Variants in RASSF8 observed in about 807,000 individuals in gnomAD.
RASSF8 encodes ras association domain-containing protein 8.
Under a neutral mutation model 48.5 loss-of-function variants are expected in RASSF8, and 22 were observed. The ratio of observed to expected loss-of-function variants is 0.45; its 90% confidence interval spans 0.32 to 0.65. The LOEUF (loss-of-function observed/expected upper bound fraction) is 0.65, where lower values mean the gene tolerates loss of function less well. RASSF8 is among the 30% of genes least tolerant of loss of function. The probability of loss-of-function intolerance (pLI) is 0.03; values close to 1 mark genes in which losing one functional copy is unlikely to be tolerated. For missense variants in RASSF8, 418 were observed against 489.2 expected, an observed-to-expected ratio of 0.85 and a Z score of 1.37; for synonymous variants, 127 against 171.5, an observed-to-expected ratio of 0.74 and a Z score of 2.03.
Position 26,064,271 on chromosome 12 carries a change from A to G in RASSF8, c.104-227A>G, listed in dbSNP as rs914444441. Among the ~76,000 whole-genome samples the G allele has an allele frequency of 3.9e-5, 6 of 152,228 alleles. No individual in the cohort carries two copies. The East Asian group carries it at 7.7e-4, about 20-fold the overall frequency. On this transcript the variant is annotated intron_variant, in intron 3 of 5. Transcript: ENST00000689635. ...TTTAAAGTATAAAGTTGAATTTCTA[A>G]GCAAGCCTAAAGAGTATGTGCAATA...
chr12:25,971,484 ATC>A (rs1038422131), intron 1 of RASSF8, among the ~76,000 whole-genome samples: 3 of 151,998 alleles, frequency 2.0e-5, no homozygotes, highest in Admixed American at 1.3e-4. Flanking sequence ...ACTTCTGATG[ATC>A]TCTCTTCTGT....
intron 1 of RASSF8, among the ~76,000 whole-genome samples, chr12:25,987,469 A>G (rs752392144): frequency 6.6e-6 from 1 of 152,202 alleles, no homozygotes; most frequent in Non-Finnish European, 1.5e-5. Flanking sequence ...TTCCATACTA[A>G]GGCAGGAAAT....
chr12:25,982,882 G>A (rs1941777125), intron 1 of RASSF8, among the ~76,000 whole-genome samples: 1 of 152,186 alleles, frequency 6.6e-6, no homozygotes, highest in Non-Finnish European at 1.5e-5. Flanking sequence ...AGCATTCATG[G>A]AGGTTTTCAG....
chr12:25,994,868 A>G (rs538219299), intron 1 of RASSF8, 169 bp from the exon 2 acceptor site: 4 of 152,352 alleles, frequency 2.6e-5, no homozygotes, highest in Admixed American at 6.5e-5. Flanking sequence ...CTGCAATTCA[A>G]ATGGCTAAGG....
chr12:26,055,008 G>C (rs1367625099), intron 2 of RASSF8, among the ~76,000 whole-genome samples: 1 of 152,114 alleles, frequency 6.6e-6, no homozygotes, highest in East Asian at 1.9e-4. Flanking sequence ...TAATGTAATG[G>C]AGCATGAGTT....
At chr12:25,986,758 T>C (rs567275007) in intron 1 of RASSF8, among the ~76,000 whole-genome samples, 1 of 152,282 alleles carries the variant, frequency 6.6e-6, no homozygotes, top group South Asian at 2.1e-4. Flanking sequence ...CTGACAAGGC[T>C]CCTAGTTACT....
At position 25,993,609 on chromosome 12, in the gene RASSF8, G is replaced by A. The variant is rs532837320; in HGVS notation, c.-202-1428G>A. Reference sequence around the variant, plus strand: ...TTGGTTTTCAATTTGCTATCCAGTCGTCTTTCGCAGCAGGGTTGACCCTTC... The same window carrying A: ...TTGGTTTTCAATTTGCTATCCAGTCATCTTTCGCAGCAGGGTTGACCCTTC... On this transcript the variant is annotated intron_variant, in intron 1 of 5. Transcript: ENST00000689635. Among the ~76,000 whole-genome samples, 199 of 152,246 alleles carry A rather than the reference G, an allele frequency of 1.3e-3. 1 individual carries two copies. Among genetic ancestry groups the A allele is most frequent in the African/African-American group, 4.4e-3 (184 of 41,546 alleles).
At chr12:26,044,331 A>T (rs1943327904) in intron 2 of RASSF8, among the ~76,000 whole-genome samples, 1 of 152,200 alleles carries the variant, frequency 6.6e-6, no homozygotes, top group Non-Finnish European at 1.5e-5. Flanking sequence ...AAATTGTAGG[A>T]CTTAAATATA....
rs141731647 is a variant in RASSF8, at chr12:26,059,296, C to T, written c.103+3850C>T. Among the ~76,000 whole-genome samples the T allele has an allele frequency of 8.8e-3, 1,342 of 152,192 alleles. 13 individuals are homozygous for T. Among genetic ancestry groups the T allele is most frequent in the African/African-American group, 0.031 (1,271 of 41,532 alleles). Reference sequence around the variant, plus strand: ...ATTGAGGAAAAGGATTTCTGATCCACGGTACTTTGATACTTGGTGTCATTG... The same window carrying T: ...ATTGAGGAAAAGGATTTCTGATCCATGGTACTTTGATACTTGGTGTCATTG... On this transcript the variant is annotated intron_variant, in intron 3 of 5. Coordinates refer to ENST00000689635, the MANE Select transcript of RASSF8 (RefSeq NM_001394098.1).
At chr12:26,015,718 A>G (rs746801550) in intron 2 of RASSF8, among the ~76,000 whole-genome samples, 1 of 152,194 alleles carries the variant, frequency 6.6e-6, no homozygotes, top group African/African-American at 2.4e-5. Flanking sequence ...TAGCGGACCT[A>G]TTGTGTTGTA....
In RASSF8 at chr12:25,968,132, C is replaced by G. The variant is rs114399701; in HGVS notation, c.-203+8984C>G. On this transcript the variant is annotated intron_variant, in intron 1 of 5. Transcript: ENST00000689635. ...TCTGTGCTTATTGCTTCTACTACTT[C>G]ACCTGCCAACTCACTCCCCAGCCAG... Among the ~76,000 whole-genome samples the G allele has an allele frequency of 5.1e-3, 779 of 152,316 alleles. 3 individuals are homozygous for G. The highest frequency in any genetic ancestry group is 0.018 in the African/African-American group (738 of 41,546).
At chr12:26,009,722 G>A (rs1299545469) in intron 2 of RASSF8, among the ~76,000 whole-genome samples, 2 of 152,176 alleles carry the variant, frequency 1.3e-5, no homozygotes, top group Non-Finnish European at 2.9e-5. Flanking sequence ...TAGATCAGGA[G>A]GAAGGAGTGA....
At chr12:26,021,915 T>A (rs1390299799) in intron 2 of RASSF8, among the ~76,000 whole-genome samples, 1 of 152,166 alleles carries the variant, frequency 6.6e-6, no homozygotes, top group Non-Finnish European at 1.5e-5. Flanking sequence ...CGAGAGGCTT[T>A]GGTGGTAAGC....
In RASSF8 at chr12:26,022,835, G is replaced by A. The variant is rs562206582; in HGVS notation, c.-109+27705G>A. Among the ~76,000 whole-genome samples the A allele has an allele frequency of 7.9e-5, 12 of 152,026 alleles. No homozygotes were observed. The South Asian group carries it at 1.7e-3, about 21-fold the overall frequency. On this transcript the variant is annotated intron_variant, in intron 2 of 5. Transcript: ENST00000689635. ...CGGCTCACTGCAACTTCCGCCTCCC[G>A]GGTTCAAGCAGTTCTCCTGCCTCAG...
chr12:26,022,869 GT>G (rs1942820645), intron 2 of RASSF8, among the ~76,000 whole-genome samples: 1 of 152,060 alleles, frequency 6.6e-6, no homozygotes, highest in South Asian at 2.1e-4. Context: ...AGCCTCCCGA[GT>G]AGCTGGGATT....
Position 26,015,669 on chromosome 12 carries a change from T to TTA in RASSF8, c.-109+20540_-109+20541dup, listed in dbSNP as rs1555164713. ...AACAGAAATTATACCTACTTATTTT[T>TTA]TAGTGATGTTGTTAGAATAAGAAAA... On this transcript the variant is annotated intron_variant, in intron 2 of 5. Coordinates refer to ENST00000689635, the MANE Select transcript of RASSF8 (RefSeq NM_001394098.1). Among the ~76,000 whole-genome samples, 38 of 152,316 alleles carry TTA rather than the reference T, an allele frequency of 2.5e-4. 1 individual carries two copies. Among genetic ancestry groups the TTA allele is most frequent in the Non-Finnish European group, 5.1e-4 (35 of 68,046 alleles).
At chr12:25,997,179 T>G (rs534394115) in intron 2 of RASSF8, among the ~76,000 whole-genome samples, 1 of 152,300 alleles carries the variant, frequency 6.6e-6, no homozygotes, top group South Asian at 2.1e-4. Context: ...AAAGACAGAT[T>G]GGGTAAAACA....
chr12:25,989,365 T>C (rs1471101714), intron 1 of RASSF8, among the ~76,000 whole-genome samples: 1 of 152,216 alleles, frequency 6.6e-6, no homozygotes, highest in Non-Finnish European at 1.5e-5. Flanking sequence ...TCTATAGGCA[T>C]TTAACAGTGT....
chr12:25,976,135 G>A (rs1941599048), intron 1 of RASSF8, among the ~76,000 whole-genome samples: 2 of 152,150 alleles, frequency 1.3e-5, no homozygotes, highest in Admixed American at 6.5e-5. Context: ...GGAACCTAAG[G>A]CTGTTTCATG....
Sources: allele counts gnomAD v4.1 joint callset (sites outside exome capture counted in the v4.1 genomes callset), GRCh38; gene constraint gnomAD v4.1.1; transcripts MANE v1.5; gene names NCBI Gene and HGNC (gene_info 2026-07-23, HGNC 2026-07-21).